Variants in BTBD9 observed in about 807,000 individuals in gnomAD.
The protein encoded by BTBD9 is BTB domain containing 9.
BTBD9 carries 49 observed loss-of-function variants against 64.3 expected under a neutral mutation model. That is an observed-to-expected ratio of 0.76 (90% confidence interval 0.61 to 0.97). The LOEUF is 0.97. Among genes scored for constraint, BTBD9 ranks in the 50% least tolerant of loss-of-function variants. The probability of loss-of-function intolerance (pLI) is 0.00; values close to 1 mark genes in which losing one functional copy is unlikely to be tolerated. For synonymous variants in BTBD9, 260 were observed against 274.7 expected (o/e 0.95, Z 0.53); for missense variants, 598 against 762.1 (o/e 0.78, Z 2.53).
chr6:38,346,230 C>A (rs998670489), intron 6 of BTBD9, among the ~76,000 whole-genome samples: 4 of 152,202 alleles, frequency 2.6e-5, no homozygotes, highest in Non-Finnish European at 4.4e-5. Flanking sequence ...AATTTCCTTA[C>A]ATTTCTCATC....
chr6:38,536,203 G>A (rs1381304552), intron 6 of BTBD9, among the ~76,000 whole-genome samples: 1 of 151,982 alleles, frequency 6.6e-6, no homozygotes, highest in Admixed American at 6.6e-5. Context: ...ACATACAAAT[G>A]GCAAACAGGT....
intron 8 of BTBD9, among the ~76,000 whole-genome samples, chr6:38,260,519 T>A (rs968406299): frequency 1.3e-5 from 2 of 152,128 alleles, no homozygotes; most frequent in Admixed American, 6.6e-5. Flanking sequence ...TTGAAGAGGA[T>A]ATGGGATATG....
intron 6 of BTBD9, among the ~76,000 whole-genome samples, chr6:38,564,864 C>T (rs1001841288): frequency 6.6e-6 from 1 of 151,956 alleles, no homozygotes; most frequent in African/African-American, 2.4e-5. Flanking sequence ...TGCACTCCAG[C>T]CTGGGCGACA....
chr6:38,361,702 T>C (rs1292632654), intron 6 of BTBD9, among the ~76,000 whole-genome samples: 1 of 151,938 alleles, frequency 6.6e-6, no homozygotes, highest in Non-Finnish European at 1.5e-5. Flanking sequence ...TAGGCAGGCG[T>C]GGTGGTGCAG....
chr6:38,612,594 A>G (rs1272258409), intron 1 of BTBD9, among the ~76,000 whole-genome samples: 1 of 152,214 alleles, frequency 6.6e-6, no homozygotes, highest in African/African-American at 2.4e-5. Flanking sequence ...ACAAATGCCT[A>G]TTTATTCCCA....
At chr6:38,451,827 T>C (rs1384779557) in intron 6 of BTBD9, among the ~76,000 whole-genome samples, 2 of 152,104 alleles carry the variant, frequency 1.3e-5, no homozygotes, top group East Asian at 3.8e-4. Flanking sequence ...TGGTCATTGA[T>C]CCTTGGGTTT....
At chr6:38,478,397 C>T (rs955417306) in intron 6 of BTBD9, among the ~76,000 whole-genome samples, 1 of 152,110 alleles carries the variant, frequency 6.6e-6, no homozygotes, top group African/African-American at 2.4e-5. Context: ...CATGTGGATG[C>T]TTGAAAAATA....
At chr6:38,215,313 G>A (rs1424458303) in intron 9 of BTBD9, among the ~76,000 whole-genome samples, 1 of 152,144 alleles carries the variant, frequency 6.6e-6, no homozygotes, top group Admixed American at 6.5e-5. Flanking sequence ...TATTATTTGT[G>A]TTCCTGCAGA....
intron 7 of BTBD9, among the ~76,000 whole-genome samples, chr6:38,333,535 C>T (rs1162516646): frequency 6.6e-6 from 1 of 152,154 alleles, no homozygotes; most frequent in African/African-American, 2.4e-5. Context: ...CAGACCTCCC[C>T]TTTGCTGTTT....
At chr6:38,329,813 C>T (rs928159806) in intron 7 of BTBD9, among the ~76,000 whole-genome samples, 1 of 151,896 alleles carries the variant, frequency 6.6e-6, no homozygotes, top group African/African-American at 2.4e-5. Context: ...ACTAGCGGGG[C>T]GTGATGGCGG....
intron 6 of BTBD9, chr6:38,504,667 C>T (rs1042200488): frequency 2.2e-6 from 1 of 449,978 alleles, no homozygotes; most frequent in African/African-American, 2.0e-5. Context: ...AAGCCCATTC[C>T]TAGAATGTTT....
intron 6 of BTBD9, among the ~76,000 whole-genome samples, chr6:38,556,783 G>GA (rs1448994664): frequency 6.6e-6 from 1 of 151,012 alleles, no homozygotes; most frequent in Non-Finnish European, 1.5e-5. Flanking sequence ...TTAGGAGGCC[G>GA]AGGCGGGTGG....
At chr6:38,480,959 T>G (rs894153517) in intron 6 of BTBD9, among the ~76,000 whole-genome samples, 2 of 152,220 alleles carry the variant, frequency 1.3e-5, no homozygotes, top group East Asian at 3.8e-4. Context: ...CCTTTGGCAA[T>G]GTAAAAATTC....
At chr6:38,619,063 A>G (rs1777896171) in intron 1 of BTBD9, among the ~76,000 whole-genome samples, 1 of 152,218 alleles carries the variant, frequency 6.6e-6, no homozygotes, top group Non-Finnish European at 1.5e-5. Flanking sequence ...GATGTCCACC[A>G]TAACTCAGGG....
chr6:38,205,404 A>T (rs937407323), intron 9 of BTBD9, among the ~76,000 whole-genome samples: 9 of 152,210 alleles, frequency 5.9e-5, no homozygotes, highest in African/African-American at 1.9e-4. Flanking sequence ...AAGATAATAG[A>T]TCACTTCCTT....
At chr6:38,637,857 T>G (rs1053293108) in intron 1 of BTBD9, among the ~76,000 whole-genome samples, 1 of 152,240 alleles carries the variant, frequency 6.6e-6, no homozygotes, top group Non-Finnish European at 1.5e-5. Flanking sequence ...TGTCAAAGAC[T>G]GTACTCTGAT....
chr6:38,271,378 AT>A (rs1262755659), intron 8 of BTBD9, among the ~76,000 whole-genome samples: 1 of 152,150 alleles, frequency 6.6e-6, no homozygotes, highest in Non-Finnish European at 1.5e-5. Context: ...TAATATTCCT[AT>A]CTTTCAATAA....
chr6:38,432,684 T>C (rs1768498849), intron 6 of BTBD9, among the ~76,000 whole-genome samples: 1 of 151,930 alleles, frequency 6.6e-6, no homozygotes, highest in Non-Finnish European at 1.5e-5. Context: ...TCATGACTAA[T>C]GACTTATGAT....
chr6:38,440,704 A>G (rs1200023387), intron 6 of BTBD9, among the ~76,000 whole-genome samples: 3 of 152,230 alleles, frequency 2.0e-5, no homozygotes, highest in African/African-American at 7.2e-5. Context: ...TGTCAAATTT[A>G]TGGCATAATA....
Sources: gnomAD v4.1 joint callset for allele counts (sites outside exome capture counted in the v4.1 genomes callset) on GRCh38, gnomAD v4.1.1 for gene constraint, MANE v1.5 for transcripts, NCBI Gene and HGNC (gene_info 2026-07-23, HGNC 2026-07-21) for gene names.